The following PCDHGA12 variants were observed in gnomAD, a reference collection of about 807,000 sequenced individuals.
The protein encoded by PCDHGA12 is protocadherin gamma subfamily A, 12.
In PCDHGA12, 43 loss-of-function variants were observed where a neutral mutation model predicts 61.1. The observed-to-expected ratio is 0.70, with a 90% CI of 0.55 to 0.91. The LOEUF (loss-of-function observed/expected upper bound fraction) is 0.91. Ranked by LOEUF, PCDHGA12 falls within the 40% of genes least tolerant of loss-of-function variation. The probability of loss-of-function intolerance (pLI) is 0.00; values close to 1 mark genes in which losing one functional copy is unlikely to be tolerated. For missense variants in PCDHGA12, 1,236 were observed against 1,227.7 expected, an observed-to-expected ratio of 1.01 and a Z score of -0.10; for synonymous variants, 520 against 542.9, an observed-to-expected ratio of 0.96 and a Z score of 0.59.
intron 1 of PCDHGA12, among the ~76,000 whole-genome samples, chr5:141,453,176 C>A (rs1225418058): frequency 6.6e-6 from 1 of 152,042 alleles, no homozygotes; most frequent in African/African-American, 2.4e-5. Flanking sequence ...TCCAGTGGTA[C>A]AATCACAGCT....
At chr5:141,502,169 G>A (rs1366413076) in intron 2 of PCDHGA12, among the ~76,000 whole-genome samples, 1 of 152,110 alleles carries the variant, frequency 6.6e-6, no homozygotes, top group African/African-American at 2.4e-5. Flanking sequence ...ATTCAGTTGA[G>A]GAATTTAACA....
In PCDHGA12 at chr5:141,485,770, T is replaced by A. The variant is rs1199757869; in HGVS notation, c.2425-9037T>A. The A allele has an allele frequency of 6.2e-7, 1 of 1,614,180 alleles. No homozygotes were observed. The highest frequency in any genetic ancestry group is 1.1e-5 in the South Asian group (1 of 91,080). On this transcript the variant is annotated intron_variant, in intron 1 of 3. Transcript: ENST00000252085. This position sits in a 1 kb window ranked among gnomAD's most constrained non-coding sequence, Gnocchi z 5.7. ...TCCCAGAGCTGCTCCTGGAGAAGCC[T>A]TTGGATCGAGAGAAGCAATCGGACT... is the stretch of plus-strand genomic sequence containing the variant.
intron 1 of PCDHGA12, among the ~76,000 whole-genome samples, chr5:141,446,802 G>T (rs2098516342): frequency 6.6e-6 from 1 of 152,130 alleles, no homozygotes; most frequent in South Asian, 2.1e-4. Flanking sequence ...CTTCCATTGT[G>T]ATCATCTAGT....
At chr5:141,458,217 T>C (rs1026901943) in intron 1 of PCDHGA12, among the ~76,000 whole-genome samples, 1 of 152,210 alleles carries the variant, frequency 6.6e-6, no homozygotes, top group Admixed American at 6.5e-5. Context: ...AAAATAAGTT[T>C]CCTTTCCCAG....
rs2099427641 is a variant in PCDHGA12, at chr5:141,477,974, G to T, written c.2425-16833G>T. The T allele has an allele frequency of 1.2e-6, 2 of 1,614,034 alleles. No homozygotes were observed. The highest frequency in any genetic ancestry group is 1.6e-4 in the Middle Eastern group (1 of 6,062). On this transcript the variant is annotated intron_variant, in intron 1 of 3. Transcript: ENST00000252085. This position sits in a 1 kb window ranked among gnomAD's most constrained non-coding sequence, Gnocchi z 4.9. ...GGGATCCCCTAACCAGAGCCTTTTT[G>T]CCATAGGGCTGCACACTGGTCAAAT...
chr5:141,436,393 A>G (rs560164691), intron 1 of PCDHGA12, among the ~76,000 whole-genome samples: 2 of 152,342 alleles, frequency 1.3e-5, no homozygotes, highest in South Asian at 4.1e-4. Context: ...GCTTTATTAA[A>G]TAGTTGTTGA....
chr5:141,450,758 A>G (rs1007910264), intron 1 of PCDHGA12, among the ~76,000 whole-genome samples: 2 of 151,784 alleles, frequency 1.3e-5, no homozygotes, highest in African/African-American at 4.8e-5. Flanking sequence ...AAGTGCCGGG[A>G]TTACAGGCAT....
intron 1 of PCDHGA12, among the ~76,000 whole-genome samples, chr5:141,453,974 T>C (rs1386640440): frequency 6.6e-6 from 1 of 152,242 alleles, no homozygotes; most frequent in Non-Finnish European, 1.5e-5. Flanking sequence ...CATGTAGTTG[T>C]GTTGCCTTCC....
chr5:141,485,193 G>T lies in PCDHGA12; in HGVS notation c.2425-9614G>T. The T allele has an allele frequency of 6.2e-7, 1 of 1,613,988 alleles. No homozygotes were observed. Among genetic ancestry groups the T allele is most frequent in the Non-Finnish European group, 8.5e-7 (1 of 1,179,852 alleles). The stretch of plus-strand genomic sequence containing the variant: ...GCAGCAATGCTCCGCAAGGTGAGAA[G>T]CTGGACAGAAATCTGGCGGTGGGCT... On this transcript the variant is annotated intron_variant, in intron 1 of 3. Transcript: ENST00000252085. The surrounding 1 kb of genome is among the most constrained non-coding windows in gnomAD (Gnocchi z 5.7).
Position 141,431,530 on chromosome 5 carries a change from G to A in PCDHGA12, c.771G>A (p.Leu257=). Residue 257 remains leucine (L), a synonymous_variant, in exon 1 of 4, where the codon TTG becomes TTA. Transcript: ENST00000252085. The surrounding 1 kb of genome is among the most constrained non-coding windows in gnomAD (Gnocchi z 4.8). ...YRASVPENLA[L]GTQLLVVNAT... ...CGAGCGTTCCGGAGAATCTGGCCTT[G>A]GGCACGCAGCTGCTTGTAGTCAACG... 3 of 1,614,072 alleles carry A rather than the reference G, an allele frequency of 1.9e-6. No homozygotes were observed. In the South Asian group the frequency reaches 3.3e-5, roughly 18 times the overall value.
chr5:141,445,564 G>A (rs564704836), intron 1 of PCDHGA12, among the ~76,000 whole-genome samples: 20 of 152,306 alleles, frequency 1.3e-4, no homozygotes, highest in Admixed American at 1.2e-3. Context: ...CTAAGAGAAA[G>A]CTTATAGTAG....
chr5:141,433,305 C>T, intron 1 of PCDHGA12, 122 bp downstream of exon 1: 1 of 931,032 alleles, frequency 1.1e-6, no homozygotes, highest in Non-Finnish European at 1.6e-6. Flanking sequence ...GCAATTATCC[C>T]ACCTTTGCCT....
At chr5:141,461,190 T>C (rs2099010725) in intron 1 of PCDHGA12, among the ~76,000 whole-genome samples, 1 of 152,142 alleles carries the variant, frequency 6.6e-6, no homozygotes, top group Non-Finnish European at 1.5e-5. Context: ...TAGATCTGTT[T>C]TTTGCTCTTT....
At chr5:141,451,113 C>T (rs2098707217) in intron 1 of PCDHGA12, among the ~76,000 whole-genome samples, 1 of 152,152 alleles carries the variant, frequency 6.6e-6, no homozygotes. Context: ...CAGGCGTGAG[C>T]CACCACACCC....
chr5:141,437,252 CTT>C (rs1030396727), intron 1 of PCDHGA12, among the ~76,000 whole-genome samples: 3 of 152,268 alleles, frequency 2.0e-5, no homozygotes, highest in Admixed American at 6.5e-5. Context: ...CTTTCCTTGT[CTT>C]TTTATGTGTA....
chr5:141,478,378 G>C, intron 1 of PCDHGA12: 1 of 1,613,558 alleles, frequency 6.2e-7, no homozygotes, highest in Non-Finnish European at 8.5e-7. Flanking sequence ...TGATGTCGCC[G>C]CACCTTTACC....
Position 141,490,866 on chromosome 5 carries a change from C to T in PCDHGA12, c.2425-3941C>T, listed in dbSNP as rs1408465290. The T allele has an allele frequency of 6.2e-7, 1 of 1,613,906 alleles. No homozygotes were observed. The highest frequency in any genetic ancestry group is 1.7e-5 in the Admixed American group (1 of 60,012). ...TGGGGGTTCGAGACTCCGGCTCTCC[C>T]CCATTGCATGCCAACACATCTCTGC... On this transcript the variant is annotated intron_variant, in intron 1 of 3. Coordinates refer to ENST00000252085, the MANE Select transcript of PCDHGA12 (RefSeq NM_003735.3). The surrounding 1 kb of genome is among the most constrained non-coding windows in gnomAD (Gnocchi z 5.4).
rs775204388 is a variant in PCDHGA12, at chr5:141,490,235, G to T, written c.2425-4572G>T. On this transcript the variant is annotated intron_variant, in intron 1 of 3. Transcript: ENST00000252085. This position sits in a 1 kb window ranked among gnomAD's most constrained non-coding sequence, Gnocchi z 5.4. ...GACCAGGGACAGCCTGCCATGGAGG[G>T]CCACTGTGTGATTCAAGTGGATGTG... 1 of 1,614,228 alleles carries T rather than the reference G, an allele frequency of 6.2e-7. No homozygotes were observed. The highest frequency in any genetic ancestry group is 1.1e-5 in the South Asian group (1 of 91,084).
intron 1 of PCDHGA12, among the ~76,000 whole-genome samples, chr5:141,465,094 G>GTT (rs138941665): frequency 3.4e-5 from 5 of 148,194 alleles, no homozygotes; most frequent in Non-Finnish European, 6.0e-5. Flanking sequence ...TTTTCTAGTA[G>GTT]TTTTTTTTTT....
Sources: gnomAD v4.1 joint callset for allele counts (sites outside exome capture counted in the v4.1 genomes callset) on GRCh38, gnomAD v4.1.1 for gene constraint, Gnocchi (gnomAD v3.1) non-coding constraint, MANE v1.5 for transcripts, NCBI Gene and HGNC (gene_info 2026-07-23, HGNC 2026-07-21) for gene names.